The following MLLT6 variants were observed in gnomAD, a reference collection of about 807,000 sequenced individuals.
The protein encoded by MLLT6 is protein AF-17.
A neutral mutation model predicts 103.0 loss-of-function variants in MLLT6; 22 were observed. That is an observed-to-expected ratio of 0.21 (90% CI 0.15 to 0.31). MLLT6 has a LOEUF of 0.31. Ranked by LOEUF, MLLT6 falls within the 10% of genes least tolerant of loss-of-function variation. The pLI is 1.00. For missense variants in MLLT6, 1,199 were observed against 1,441.7 expected (o/e 0.83, Z 2.73); for synonymous variants, 606 against 623.5 (o/e 0.97, Z 0.42).
intron 16 of MLLT6, chr17:38,720,948 A>C: frequency 1.6e-6 from 1 of 606,076 alleles, no homozygotes; most frequent in Non-Finnish European, 2.9e-6. Flanking sequence ...ATCAGTGAGC[A>C]AAACCGGCAC....
intron 6 of MLLT6, among the ~76,000 whole-genome samples, chr17:38,711,005 A>C (rs1905123660): frequency 6.6e-6 from 1 of 152,154 alleles, no homozygotes; most frequent in Non-Finnish European, 1.5e-5. Flanking sequence ...GGTTGTCCAC[A>C]AGGATGGATC....
At chr17:38,712,432 C>T (rs1435737489) in intron 7 of MLLT6, among the ~76,000 whole-genome samples, 1 of 152,286 alleles carries the variant, frequency 6.6e-6, no homozygotes, top group Non-Finnish European at 1.5e-5. Flanking sequence ...TATGTTCACG[C>T]GCGTGGTGCT....
At chr17:38,707,648 C>A in intron 3 of MLLT6, 108 bp downstream of exon 3, 4 of 1,313,330 alleles carry the variant, frequency 3.0e-6, no homozygotes, top group Non-Finnish European at 4.4e-6. Flanking sequence ...CCCTGGCTGG[C>A]GCTGGAATCT....
Position 38,719,832 on chromosome 17 carries a change from C to A in MLLT6, c.2092C>A (p.Pro698Thr). The A allele has an allele frequency of 6.2e-7, 1 of 1,612,392 alleles. No homozygotes were observed. Among genetic ancestry groups the A allele is most frequent in the Non-Finnish European group, 8.5e-7 (1 of 1,179,564 alleles). Residue 698 changes from proline to threonine, a missense_variant, in exon 14 of 20, where the codon CCA (proline) becomes ACA (threonine). Pro to Thr is a conservative substitution (Grantham distance 38, BLOSUM62 -1). This residue lies in a region of MLLT6 where 1,034 missense variants were observed against 1,091.5 expected (regional missense o/e 0.95). Transcript: ENST00000621332. ...GGGCGGCCAGTTAGACCCGGCGGCCCCAGGGACGACTAACATGGAGCAGCT... is the reference window on the plus strand; with the variant it reads ...GGGCGGCCAGTTAGACCCGGCGGCCACAGGGACGACTAACATGGAGCAGCT... ...CGGGQLDPAA[P>T]GTTNMEQLLE...
Position 38,728,992 on chromosome 17 carries a change from A to AG in MLLT6, c.*3398dup. ...AGGTGTCCTGACCTTGAGGCTGATG[A>AG]GGGGACCCCTGCCTGTTTCCCCCAT... On this transcript the variant is annotated 3_prime_UTR_variant, in exon 20 of 20. Transcript: ENST00000621332. The AG allele has an allele frequency of 4.3e-6, 1 of 232,362 alleles. No homozygotes were observed. The highest frequency in any genetic ancestry group is 8.5e-6 in the Non-Finnish European group (1 of 118,062). 14.4% of individuals were successfully genotyped at this position (232,362 alleles called of 1,614,324 possible). A position where few individuals can be genotyped will look rare whatever the true frequency, so the allele number is the denominator to read the frequency against.
rs1906143540 is a variant in MLLT6 at position 38,728,313 on chromosome 17, T to C, written c.*2715T>C. ...TGGCTGTAACGATCTCACCGTCTCC[T>C]AACCTCAGTCCCTTTTTTGAGAGTG... On this transcript the variant is annotated 3_prime_UTR_variant, in exon 20 of 20. Coordinates refer to ENST00000621332, the MANE Select transcript of MLLT6 (RefSeq NM_005937.4). 1 of 233,230 alleles carries C rather than the reference T, an allele frequency of 4.3e-6. No individual in the cohort carries two copies. The highest frequency in any genetic ancestry group is 2.2e-5 in the African/African-American group (1 of 45,356). The allele number at this position is 233,230 out of a possible 1,614,324, so 14.4% of individuals were successfully genotyped here.
intron 3 of MLLT6, 83 bp from the exon 4 acceptor site, chr17:38,707,680 G>A (rs558322429): frequency 2.9e-4 from 356 of 1,227,222 alleles, no homozygotes; most frequent in Non-Finnish European, 3.8e-4. Context: ...TGTGGAGGAG[G>A]GAACAGTCTG....
At chr17:38,722,826 C>A in intron 18 of MLLT6, 58 bp downstream of exon 18, 1 of 1,302,406 alleles carries the variant, frequency 7.7e-7, no homozygotes, top group Non-Finnish European at 1.1e-6. Context: ...AAGGGCACAT[C>A]TCAGAGGATC....
At position 38,716,826 on chromosome 17, in the gene MLLT6, C is replaced by T; in HGVS notation, c.1496C>T (p.Pro499Leu). ...GTGGPAAPSL[P>L]SAQLAGFTAT... ...GGGGGCCCAGCTGCCCCATCCTTGC[C>T]CAGTGCCCAGCTGGCTGGCTTTACC... Residue 499 changes from proline (P) to leucine (L), a missense_variant, in exon 10 of 20, where the codon CCC (proline) becomes CTC (leucine). Physicochemically the swap from Pro to Leu is moderately conservative, Grantham distance 98. Coordinates refer to ENST00000621332, the MANE Select transcript of MLLT6 (RefSeq NM_005937.4). This position sits in a 1 kb window ranked among gnomAD's most constrained non-coding sequence, Gnocchi z 5.6. 1 of 1,612,596 alleles carries T rather than the reference C, an allele frequency of 6.2e-7. No homozygotes were observed. Among genetic ancestry groups the T allele is most frequent in the East Asian group, 2.2e-5 (1 of 44,834 alleles).
Position 38,716,484 on chromosome 17 carries a change from C to T in MLLT6, c.1154C>T (p.Ala385Val). ...PAPSAPPSPS[A>V]PEPPKADLFE... ...CCTTCAGCCCCTCCTTCTCCCTCAG[C>T]TCCCGAGCCCCCCAAGGCTGACCTT... The change falls in exon 10 of 20, where the codon GCT (alanine) becomes GTT (valine). Residue 385 changes from alanine to valine, a missense_variant. Coordinates refer to ENST00000621332, the MANE Select transcript of MLLT6 (RefSeq NM_005937.4). The surrounding 1 kb of genome is among the most constrained non-coding windows in gnomAD (Gnocchi z 5.6). 1.2e-6 allele frequency: 2 copies of T among 1,614,178 alleles called. No individual in the cohort carries two copies. Among genetic ancestry groups the T allele is most frequent in the Non-Finnish European group, 1.7e-6 (2 of 1,180,016 alleles).
intron 17 of MLLT6, among the ~76,000 whole-genome samples, 191 bp downstream of exon 17, chr17:38,722,418 G>A (rs935694365): frequency 1.3e-5 from 2 of 152,136 alleles, no homozygotes; most frequent in Non-Finnish European, 2.9e-5. Flanking sequence ...TCCTCTGGAC[G>A]GTAGCTCCCC....
intron 17 of MLLT6, 125 bp downstream of exon 17, chr17:38,722,352 A>G: frequency 2.7e-6 from 2 of 744,102 alleles, no homozygotes; most frequent in Admixed American, 3.5e-5. Context: ...CACAGGGTAT[A>G]TAATCCTAGT....
Position 38,706,977 on chromosome 17 carries a change from C to G in MLLT6, c.137C>G (p.Thr46Arg). 6.2e-7 allele frequency: 1 copy of G among 1,612,054 alleles called. No individual in the cohort carries two copies. The highest frequency in any genetic ancestry group is 8.5e-7 in the Non-Finnish European group (1 of 1,178,398). Residue 46 changes from threonine to arginine, a missense_variant, in exon 2 of 20, where the codon ACG becomes AGG. Around this residue, in one of 7 missense-constraint regions of MLLT6, gnomAD observed 26 missense variants for 44.5 expected, o/e 0.58. Transcript: ENST00000621332. ...TGCTATGGCATCGTTCAGGTGCCAA[C>G]GGGACCCTGGTTCTGCCGGAAATGT... ...QACYGIVQVP[T>R]GPWFCRKCES...
In MLLT6 at chr17:38,717,816, C is replaced by T. The variant is rs373083500; in HGVS notation, c.1834-29C>T. ...GTTGTGCTCTAGATCCAAGAATAAC[C>T]GCCAGGGGATTCTACCTCCCTCCCT... On this transcript the variant is annotated intron_variant, in intron 11 of 19. Transcript: ENST00000621332. The T allele has an allele frequency of 4.7e-4, 737 of 1,561,008 alleles. 6 individuals are homozygous for T. In the South Asian group the frequency reaches 7.8e-3, roughly 16 times the overall value.
Position 38,707,879 on chromosome 17 carries a change from G to A in MLLT6, c.354+7G>A, listed in dbSNP as rs760621983. ...TCATGATCGCTTCAACAAGGTCAGC[G>A]GCCCCCCGCCGTGTCCCCTACCAGT... On this transcript the variant is annotated splice_region_variant and intron_variant, in intron 4 of 19. Coordinates refer to ENST00000621332, the MANE Select transcript of MLLT6 (RefSeq NM_005937.4). The A allele has an allele frequency of 1.2e-5, 19 of 1,579,762 alleles. No homozygotes were observed. The highest frequency in any genetic ancestry group is 4.5e-5 in the South Asian group (4 of 89,250).
chr17:38,725,482 C>T, intron 19 of MLLT6, 75 bp from the exon 20 acceptor site: 8 of 1,396,714 alleles, frequency 5.7e-6, no homozygotes, highest in Non-Finnish European at 8.0e-6. Flanking sequence ...CTTTCTTGGC[C>T]TAGGAAGCTG....
chr17:38,712,884 G>A, intron 8 of MLLT6, 95 bp downstream of exon 8: 1 of 856,152 alleles, frequency 1.2e-6, no homozygotes, highest in Non-Finnish European at 2.0e-6. Context: ...AGGGACCTGG[G>A]CACCCTCCCC....
Position 38,705,569 on chromosome 17 carries a change from C to A in MLLT6, c.-64C>A. 3.6e-6 allele frequency: 2 copies of A among 561,700 alleles called. 1 individual carries two copies. Among genetic ancestry groups the A allele is most frequent in the Non-Finnish European group, 6.1e-6 (2 of 327,838 alleles). The allele number at this position is 561,700 out of a possible 1,614,324, so 34.8% of individuals were successfully genotyped here. ...GCGCGGCCCCCCGCTCCCTCCCTCC[C>A]CCCTGACCCCCGACCCCCGCCGGCC... On this transcript the variant is annotated 5_prime_UTR_variant, in exon 1 of 20. Transcript: ENST00000621332.
chr17:38,712,880 C>A, intron 8 of MLLT6, 91 bp downstream of exon 8: 1 of 874,710 alleles, frequency 1.1e-6, no homozygotes, highest in Non-Finnish European at 1.9e-6. Flanking sequence ...AGTCAGGGAC[C>A]TGGGCACCCT....
Sources: gnomAD v4.1 joint callset for allele counts (sites outside exome capture counted in the v4.1 genomes callset) on GRCh38, gnomAD v4.1.1 for gene constraint, gnomAD v4.1.1 regional missense constraint, Gnocchi (gnomAD v3.1) non-coding constraint, MANE v1.5 for transcripts, NCBI Gene and HGNC (gene_info 2026-07-23, HGNC 2026-07-21) for gene names.